Variants in C2CD3 observed in about 807,000 individuals in gnomAD.
C2CD3 encodes the protein C2 domain containing 3 centriole elongation regulator.
C2CD3 carries 148 observed loss-of-function variants against 234.0 expected under a neutral mutation model. The observed-to-expected ratio is 0.63, with a 90% CI of 0.55 to 0.72. The LOEUF is 0.72. C2CD3 is among the 30% of genes least tolerant of loss of function. The pLI, the probability that C2CD3 is intolerant of heterozygous loss-of-function variation, is 0.00. For missense variants in C2CD3, 2,577 were observed against 2,811.5 expected (o/e 0.92, Z 1.89); for synonymous variants, 1,000 against 1,035.4 (o/e 0.97, Z 0.66).
At chr11:74,149,585 G>T (rs1445017638) in intron 3 of C2CD3, among the ~76,000 whole-genome samples, 1 of 151,084 alleles carries the variant, frequency 6.6e-6, no homozygotes, top group Admixed American at 6.6e-5. Context: ...AGACACAATA[G>T]GTGTTTTGTA....
At chr11:74,141,329 T>A (rs539188404) in intron 3 of C2CD3, among the ~76,000 whole-genome samples, 1 of 152,316 alleles carries the variant, frequency 6.6e-6, no homozygotes, top group African/African-American at 2.4e-5. Flanking sequence ...AGCAATGCGG[T>A]GGGATGAATA....
At chr11:74,069,984 C>T (rs985693213) in intron 24 of C2CD3, among the ~76,000 whole-genome samples, 6 of 152,152 alleles carry the variant, frequency 3.9e-5, no homozygotes, top group African/African-American at 1.2e-4. Flanking sequence ...CACATGGGAA[C>T]CCAGAGGTGT....
intron 24 of C2CD3, among the ~76,000 whole-genome samples, chr11:74,072,433 A>T (rs4944038): frequency 0.49 from 74,291 of 151,986 alleles, 18,170 homozygotes; most frequent in Non-Finnish European, 0.49. Flanking sequence ...GAGACACCAA[A>T]ACAGAGATGA....
At position 74,049,468 on chromosome 11, in the gene C2CD3, A is replaced by G; in HGVS notation, c.5230T>C (p.Trp1744Arg). ...CCACTGAAGTCTGTGATGTTGTACC[A>G]GCCACAGACAAACTGGAAGCCAGAG... The part of the protein sequence containing the change: ...LLSGFQFVCG[W>R]YNITDFSGEC... The change falls in exon 27 of 33, where the codon TGG (tryptophan) becomes CGG (arginine). Residue 1744 changes from tryptophan to arginine, a missense_variant. Physicochemically the swap from Trp to Arg is moderately radical, Grantham distance 101 (BLOSUM62 -3). Coordinates refer to ENST00000334126, the MANE Select transcript of C2CD3 (RefSeq NM_001286577.2). 1 of 1,613,578 alleles carries G rather than the reference A, an allele frequency of 6.2e-7. No homozygotes were observed. Among genetic ancestry groups the G allele is most frequent in the Non-Finnish European group, 8.5e-7 (1 of 1,180,004 alleles).
chr11:74,112,098 T>G (rs894774400), intron 11 of C2CD3, among the ~76,000 whole-genome samples: 1 of 152,152 alleles, frequency 6.6e-6, no homozygotes, highest in African/African-American at 2.4e-5. Flanking sequence ...GATTATCTAT[T>G]TCAAAAAGGA....
intron 32 of C2CD3, among the ~76,000 whole-genome samples, chr11:74,021,962 C>T (rs759196293): frequency 1.3e-5 from 2 of 152,104 alleles, no homozygotes; most frequent in Non-Finnish European, 2.9e-5. Flanking sequence ...CCCATCTCTA[C>T]TAAAAATACA....
chr11:74,101,158 G>A (rs1956301035), intron 14 of C2CD3, among the ~76,000 whole-genome samples: 1 of 152,220 alleles, frequency 6.6e-6, no homozygotes, highest in South Asian at 2.1e-4. Flanking sequence ...CCCAACAGGT[G>A]TCACAGTAAA....
At position 74,113,875 on chromosome 11, in the gene C2CD3, TA is replaced by T; in HGVS notation, c.1747del (p.Tyr583IlefsTer17). The T allele has an allele frequency of 6.3e-7, 1 of 1,588,862 alleles. No individual in the cohort carries two copies. Among genetic ancestry groups the T allele is most frequent in the Non-Finnish European group, 8.5e-7 (1 of 1,171,316 alleles). ...TAKKRTFFVE[Y>X]HFPVGFSESG... ...TTCCGAAAAGCCCACAGGAAAGTGATATTCTACAAAGAAAGTGCTAAAAAGA... is the reference window on the plus strand; with the variant it reads ...TTCCGAAAAGCCCACAGGAAAGTGATTTCTACAAAGAAAGTGCTAAAAAGA... On this transcript the variant is annotated frameshift_variant, in exon 11 of 33. Coordinates refer to ENST00000334126, the MANE Select transcript of C2CD3 (RefSeq NM_001286577.2). LOFTEE classifies it high-confidence loss of function.
At position 74,106,512 on chromosome 11, in the gene C2CD3, G is replaced by A. The variant is rs1255641964; in HGVS notation, c.1963-19C>T. On this transcript the variant is annotated intron_variant, in intron 12 of 32. Coordinates refer to ENST00000334126, the MANE Select transcript of C2CD3 (RefSeq NM_001286577.2). ...CTTCTGGCTGAGAAAGAAGGAAAGA[G>A]AACATTTAGATTAATTAAAGAGAAG... 2 of 1,609,770 alleles carry A rather than the reference G, an allele frequency of 1.2e-6. No homozygotes were observed. Among genetic ancestry groups the A allele is most frequent in the Non-Finnish European group, 1.7e-6 (2 of 1,177,586 alleles).
intron 27 of C2CD3, among the ~76,000 whole-genome samples, chr11:74,049,069 T>C (rs1953539387): frequency 6.6e-6 from 1 of 152,228 alleles, no homozygotes; most frequent in Admixed American, 6.5e-5. Context: ...TTGTTTTATT[T>C]GGAAACTGCG....
At chr11:74,150,972 GAGT>G in intron 3 of C2CD3, among the ~76,000 whole-genome samples, 1 of 151,638 alleles carries the variant, frequency 6.6e-6, no homozygotes, top group South Asian at 2.1e-4. Context: ...ACCCAGGCTG[GAGT>G]AGTGCAATGG....
chr11:74,138,406 G>GC (rs1180885881), intron 5 of C2CD3, among the ~76,000 whole-genome samples: 2 of 152,140 alleles, frequency 1.3e-5, no homozygotes, highest in African/African-American at 4.8e-5. Flanking sequence ...AACCTTACCT[G>GC]CCTTGAATTA....
intron 11 of C2CD3, among the ~76,000 whole-genome samples, chr11:74,112,410 C>T (rs1956780451): frequency 6.6e-6 from 1 of 151,236 alleles, no homozygotes; most frequent in Admixed American, 6.6e-5. Flanking sequence ...AAAAAAAAGA[C>T]AACACCAAAA....
At chr11:74,121,633 T>G (rs1459969590) in intron 8 of C2CD3, among the ~76,000 whole-genome samples, 1 of 139,512 alleles carries the variant, frequency 7.2e-6, no homozygotes, top group Non-Finnish European at 1.6e-5. Flanking sequence ...AAAAAAAGAA[T>G]TAAACAAAAT....
intron 8 of C2CD3, 65 bp downstream of exon 8, chr11:74,122,923 G>T: frequency 7.4e-7 from 1 of 1,345,716 alleles, no homozygotes; most frequent in Non-Finnish European, 1.1e-6. Flanking sequence ...TGTCATGCCT[G>T]CAGCTACTAA....
chr11:74,042,548 T>A (rs1167447006), intron 28 of C2CD3, among the ~76,000 whole-genome samples: 1 of 151,974 alleles, frequency 6.6e-6, no homozygotes, highest in Non-Finnish European at 1.5e-5. Context: ...AGGCCAGAAG[T>A]TCGAGACCAG....
At position 74,042,010 on chromosome 11, in the gene C2CD3, T is replaced by C. The variant is rs756555289; in HGVS notation, c.5660+44A>G. On this transcript the variant is annotated intron_variant, in intron 29 of 32. Coordinates refer to ENST00000334126, the MANE Select transcript of C2CD3 (RefSeq NM_001286577.2). Reference sequence around the variant, plus strand: ...ACATTGCCATTTCTCATTCACCTTGTGCCCCACTATGGTTTCCTGTGTCTT... The same window carrying C: ...ACATTGCCATTTCTCATTCACCTTGCGCCCCACTATGGTTTCCTGTGTCTT... 2 of 1,595,056 alleles carry C rather than the reference T, an allele frequency of 1.3e-6. 1 individual carries two copies. Among genetic ancestry groups the C allele is most frequent in the South Asian group, 2.2e-5 (2 of 90,292 alleles).
intron 12 of C2CD3, chr11:74,108,048 G>T (rs2135502365): frequency 6.6e-6 from 1 of 151,846 alleles, no homozygotes; most frequent in Admixed American, 6.6e-5. Flanking sequence ...CTACTCGGGA[G>T]GCTGAGGCAG....
chr11:74,140,285 T>C (rs1020410064), intron 3 of C2CD3, among the ~76,000 whole-genome samples: 2 of 152,240 alleles, frequency 1.3e-5, no homozygotes, highest in Admixed American at 6.5e-5. Context: ...CAATTACTTA[T>C]GGTTCTCTAA....
Sources: allele counts gnomAD v4.1 joint callset (sites outside exome capture counted in the v4.1 genomes callset), GRCh38; gene constraint gnomAD v4.1.1; transcripts MANE v1.5; gene names NCBI Gene and HGNC (gene_info 2026-07-23, HGNC 2026-07-21).